FSTL4: variants seen among roughly 807,000 people sequenced by gnomAD.
FSTL4 encodes the protein follistatin like 4.
In FSTL4, 28 loss-of-function variants were observed where a neutral mutation model predicts 78.2. The observed-to-expected ratio is 0.36, with a 90% CI of 0.27 to 0.49. The LOEUF (loss-of-function observed/expected upper bound fraction) is 0.49, where lower values mean the gene tolerates loss of function less well. Among genes scored for constraint, FSTL4 ranks in the 20% least tolerant of loss-of-function variants. The pLI, the probability that FSTL4 is intolerant of heterozygous loss-of-function variation, is 0.98. For missense variants in FSTL4, 922 were observed against 1,084.9 expected (o/e 0.85, Z 2.11); for synonymous variants, 422 against 440.5 (o/e 0.96, Z 0.53).
chr5:133,446,296 C>G (rs956343952), intron 3 of FSTL4, among the ~76,000 whole-genome samples: 1 of 152,156 alleles, frequency 6.6e-6, no homozygotes, highest in South Asian at 2.1e-4. Flanking sequence ...AAAAATTAGC[C>G]GGGCGTGCTG....
chr5:133,766,726 G>A, the FSTL4 span, among the ~76,000 whole-genome samples: 3 of 152,318 alleles, frequency 2.0e-5, no homozygotes, highest in South Asian at 2.1e-4. Flanking sequence ...TCCAAGTGCC[G>A]AGTTCCAGGT....
At chr5:133,719,464 G>A in the FSTL4 span, among the ~76,000 whole-genome samples, 13 of 152,044 alleles carry the variant, frequency 8.6e-5, no homozygotes, top group Non-Finnish European at 1.6e-4. Flanking sequence ...GAGGTCGGGA[G>A]TTCGAAACCA....
the FSTL4 span, among the ~76,000 whole-genome samples, chr5:133,664,030 G>C: frequency 6.7e-6 from 1 of 148,346 alleles, no homozygotes; most frequent in Admixed American, 6.7e-5. Context: ...GGCTTGTACT[G>C]TATGAGTGTG....
the FSTL4 span, among the ~76,000 whole-genome samples, chr5:133,727,769 T>C: frequency 6.6e-6 from 1 of 152,132 alleles, no homozygotes; most frequent in Non-Finnish European, 1.5e-5. Flanking sequence ...TTCAGACAAC[T>C]GAAATAAACC....
intron 4 of FSTL4, among the ~76,000 whole-genome samples, chr5:133,395,085 A>G (rs1190404566): frequency 6.6e-6 from 1 of 152,118 alleles, no homozygotes; most frequent in Non-Finnish European, 1.5e-5. Flanking sequence ...CAGACCAATC[A>G]GCTCTCTGTA....
intron 14 of FSTL4, chr5:133,207,779 C>G (rs900959886): frequency 7.2e-5 from 11 of 152,172 alleles, no homozygotes; most frequent in Admixed American, 2.0e-4. Flanking sequence ...TATCAAGTAG[C>G]TAGGACTACA....
the FSTL4 span, among the ~76,000 whole-genome samples, chr5:133,687,451 G>A: frequency 2.6e-5 from 4 of 152,152 alleles, no homozygotes; most frequent in Non-Finnish European, 5.9e-5. Context: ...CCCGCAAGAG[G>A]TGATAAGCTC....
intron 2 of FSTL4, among the ~76,000 whole-genome samples, chr5:133,591,147 T>G (rs1258702542): frequency 6.6e-6 from 1 of 152,120 alleles, no homozygotes; most frequent in Admixed American, 6.5e-5. Context: ...AGTCGGCCTG[T>G]GGAGGCCAAG....
intron 3 of FSTL4, among the ~76,000 whole-genome samples, chr5:133,435,891 C>T (rs763368110): frequency 2.6e-4 from 39 of 152,192 alleles, no homozygotes; most frequent in Non-Finnish European, 4.9e-4. Context: ...GCTACCCTTG[C>T]TTTCTGTTTT....
the FSTL4 span, among the ~76,000 whole-genome samples, chr5:133,796,154 A>AATC: frequency 6.6e-6 from 1 of 152,222 alleles, no homozygotes; most frequent in Non-Finnish European, 1.5e-5. Flanking sequence ...TGCTACTGGA[A>AATC]TGGGAGAGTT....
At chr5:133,776,935 T>C in the FSTL4 span, among the ~76,000 whole-genome samples, 4 of 152,154 alleles carry the variant, frequency 2.6e-5, no homozygotes, top group African/African-American at 9.7e-5. Context: ...ATGTATGGCC[T>C]ACCCCTTTGT....
At chr5:133,384,668 C>A (rs1755656848) in intron 4 of FSTL4, among the ~76,000 whole-genome samples, 1 of 152,184 alleles carries the variant, frequency 6.6e-6, no homozygotes. Flanking sequence ...TGGGCCCCTG[C>A]CTCCAGGGTC....
At chr5:133,210,334 C>A in intron 13 of FSTL4, 36 bp from the exon 14 acceptor site, 1 of 1,209,852 alleles carries the variant, frequency 8.3e-7, no homozygotes, top group Admixed American at 1.7e-5. Flanking sequence ...TGAAAGCTGA[C>A]ATGATGGTCA....
In FSTL4 at chr5:133,265,150, C is replaced by T. The variant is rs139591595; in HGVS notation, c.728-15574G>A. Among the ~76,000 whole-genome samples the T allele has an allele frequency of 5.8e-4, 88 of 152,184 alleles. 1 individual carries two copies. Among genetic ancestry groups the T allele is most frequent in the African/African-American group, 2.0e-3 (84 of 41,508 alleles). On this transcript the variant is annotated intron_variant, in intron 6 of 15. Transcript: ENST00000265342. ...GGTCTGTGCAGCACCACCTCCTAGG[C>T]CCCGTCCCCCCACATCATCTCGGAG...
At chr5:133,669,675 A>T in the FSTL4 span, among the ~76,000 whole-genome samples, 1 of 152,236 alleles carries the variant, frequency 6.6e-6, no homozygotes, top group East Asian at 1.9e-4. Context: ...CCACCCTCAC[A>T]CACCAACTGA....
chr5:133,687,295 G>A, the FSTL4 span, among the ~76,000 whole-genome samples: 1 of 152,208 alleles, frequency 6.6e-6, no homozygotes, highest in African/African-American at 2.4e-5. Context: ...GGGGAGGAGG[G>A]CAGTGAGCCC....
chr5:133,673,132 G>A, the FSTL4 span, among the ~76,000 whole-genome samples: 1 of 152,228 alleles, frequency 6.6e-6, no homozygotes, highest in Non-Finnish European at 1.5e-5. Context: ...AAATCAGATA[G>A]CATCTATCTC....
the FSTL4 span, among the ~76,000 whole-genome samples, chr5:133,703,323 G>T: frequency 2.0e-5 from 3 of 152,162 alleles, no homozygotes; most frequent in African/African-American, 7.2e-5. Flanking sequence ...TTTTAAAGGG[G>T]CTCCTGCATA....
intron 2 of FSTL4, among the ~76,000 whole-genome samples, chr5:133,594,084 C>T (rs1004376748): frequency 2.6e-5 from 4 of 152,204 alleles, no homozygotes; most frequent in East Asian, 1.9e-4. Flanking sequence ...CTCAGAGACC[C>T]TCTAGGTAGG....
Sources: allele counts gnomAD v4.1 joint callset (sites outside exome capture counted in the v4.1 genomes callset), GRCh38; gene constraint gnomAD v4.1.1; transcripts MANE v1.5; gene names NCBI Gene and HGNC (gene_info 2026-07-23, HGNC 2026-07-21).